MYO9A: variants seen among roughly 807,000 people sequenced by gnomAD.
MYO9A encodes myosin IXA.
In MYO9A, 103 loss-of-function variants were observed where a neutral mutation model predicts 293.3. The ratio of observed to expected loss-of-function variants is 0.35; its 90% CI spans 0.30 to 0.41. MYO9A has a LOEUF of 0.41. Among genes scored for constraint, MYO9A ranks in the 10% least tolerant of loss-of-function variants. The pLI is 1.00. For missense variants in MYO9A, 2,685 were observed against 3,033.0 expected, an observed-to-expected ratio of 0.89 and a Z score of 2.69; for synonymous variants, 1,001 against 1,035.7, an observed-to-expected ratio of 0.97 and a Z score of 0.64.
At chr15:71,926,194 T>C (rs2058309846) in intron 18 of MYO9A, among the ~76,000 whole-genome samples, 1 of 152,176 alleles carries the variant, frequency 6.6e-6, no homozygotes, top group Admixed American at 6.5e-5. Context: ...ACAAAGTTGG[T>C]GTGCTTTTCC....
In MYO9A at chr15:72,046,491, T is replaced by C. The variant is rs764758822; in HGVS notation, c.73A>G (p.Ile25Val). ...GGACAGTAGATTGTCCCTTCTGAAA[T>C]AGCCCCAGGATATATCCGTAATGTA... ...EHTLRIYPGA[I>V]SEGTIYCPIP... The change falls in exon 2 of 42, where the codon ATT becomes GTT. Residue 25 changes from isoleucine to valine, a missense_variant. Transcript: ENST00000356056. 2.7e-5 allele frequency: 44 copies of C among 1,614,018 alleles called. No individual in the cohort carries two copies. Among genetic ancestry groups the C allele is most frequent in the South Asian group, 2.5e-4 (23 of 91,076 alleles).
intron 14 of MYO9A, among the ~76,000 whole-genome samples, chr15:71,957,685 T>G (rs2059236325): frequency 6.6e-6 from 1 of 152,116 alleles, no homozygotes; most frequent in South Asian, 2.1e-4. Context: ...CATAGTCTAT[T>G]GAGTGGGATG....
intron 7 of MYO9A, among the ~76,000 whole-genome samples, 177 bp downstream of exon 7, chr15:72,010,173 G>C (rs1222003448): frequency 1.3e-5 from 2 of 152,106 alleles, no homozygotes; most frequent in Admixed American, 6.5e-5. Flanking sequence ...GCTTTCATCA[G>C]ATTCTCAAAA....
chr15:71,862,719 T>C (rs2056187012), intron 32 of MYO9A, 108 bp from the exon 33 acceptor site: 1 of 634,946 alleles, frequency 1.6e-6, no homozygotes, highest in African/African-American at 1.9e-5. Flanking sequence ...AGGCACTAAT[T>C]CCAGGGGGAC....
chr15:71,822,654 T>A lies in MYO9A; in HGVS notation c.*3926A>T, dbSNP rs2054320869. The A allele has an allele frequency of 6.6e-6, 1 of 152,162 alleles. No individual in the cohort carries two copies. The highest frequency in any genetic ancestry group is 1.5e-5 in the Non-Finnish European group (1 of 68,024). The allele number at this position is 152,162 out of a possible 1,614,324, so 9.4% of individuals were successfully genotyped here. The stretch of plus-strand genomic sequence containing the variant: ...CTTAAAATCCATTAAAATAATATAA[T>A]ACGAATCTGTAGTCCACACCTTTCC... On this transcript the variant is annotated 3_prime_UTR_variant, in exon 42 of 42. Coordinates refer to ENST00000356056, the MANE Select transcript of MYO9A (RefSeq NM_006901.4).
intron 1 of MYO9A, among the ~76,000 whole-genome samples, chr15:72,083,311 G>T (rs934056335): frequency 2.0e-5 from 3 of 152,136 alleles, no homozygotes; most frequent in African/African-American, 7.2e-5. Flanking sequence ...GTACACAGAG[G>T]TGTTCATAAC....
intron 1 of MYO9A, among the ~76,000 whole-genome samples, chr15:72,099,429 A>C (rs967032054): frequency 4.7e-4 from 68 of 145,724 alleles, no homozygotes; most frequent in African/African-American, 1.5e-3. Context: ...CCCCAAAAAA[A>C]AAAAAAAAAA....
At chr15:71,959,832 TGGA>T (rs2059284159) in intron 14 of MYO9A, 66 bp downstream of exon 14, 2 of 1,337,516 alleles carry the variant, frequency 1.5e-6, no homozygotes, top group African/African-American at 1.6e-5. Flanking sequence ...CTCCTTTTTG[TGGA>T]GAAGTAGAAA....
At chr15:72,105,149 C>T (rs560897921) in intron 1 of MYO9A, among the ~76,000 whole-genome samples, 1 of 152,296 alleles carries the variant, frequency 6.6e-6, no homozygotes, top group African/African-American at 2.4e-5. Flanking sequence ...CCTCTGAAAG[C>T]TACAAGACTC....
intron 26 of MYO9A, chr15:71,891,070 T>C (rs539671748): frequency 3.9e-5 from 6 of 152,002 alleles, no homozygotes; most frequent in African/African-American, 1.4e-4. Context: ...ACCCACCCCA[T>C]CCCCAACCCT....
chr15:72,028,787 T>C (rs2077767582), intron 3 of MYO9A, among the ~76,000 whole-genome samples: 1 of 152,168 alleles, frequency 6.6e-6, no homozygotes, highest in African/African-American at 2.4e-5. Context: ...AAGATATACA[T>C]AGTTTCTTTT....
chr15:72,067,540 C>A (rs2079058532), intron 1 of MYO9A, among the ~76,000 whole-genome samples: 1 of 152,162 alleles, frequency 6.6e-6, no homozygotes, highest in African/African-American at 2.4e-5. Flanking sequence ...CTCAGCCTCC[C>A]AAAACGCTAG....
At chr15:71,836,536 A>T (rs2054949450) in intron 39 of MYO9A, among the ~76,000 whole-genome samples, 1 of 152,068 alleles carries the variant, frequency 6.6e-6, no homozygotes, top group Non-Finnish European at 1.5e-5. Context: ...TACATGTATG[A>T]GTCCATTAAA....
intron 39 of MYO9A, among the ~76,000 whole-genome samples, chr15:71,838,447 C>T (rs2055024357): frequency 6.6e-6 from 1 of 152,088 alleles, no homozygotes; most frequent in Admixed American, 6.5e-5. Flanking sequence ...TCACAGACTA[C>T]ATGAATAATT....
rs778781580 is a variant in MYO9A, at chr15:72,046,421, G to A, written c.143C>T (p.Ser48Phe). Residue 48 changes from serine to phenylalanine, a missense_variant, in exon 2 of 42, where the codon TCT becomes TTT. Physicochemically the swap from Ser to Phe is radical, Grantham distance 155. This residue lies in a region of MYO9A where 67 missense variants were observed against 63.2 expected (regional missense o/e 1.06). Coordinates refer to ENST00000356056, the MANE Select transcript of MYO9A (RefSeq NM_006901.4). ...GTCAAGATGAAGTTTGTTTATAAGA[G>A]ACTCAATCACCTCAGCAGCTGTGGA... is the stretch of plus-strand genomic sequence containing the variant. ...KNSTAAEVIE[S>F]LINKLHLDKT... The A allele has an allele frequency of 3.7e-6, 6 of 1,614,054 alleles. No individual in the cohort carries two copies. The East Asian group carries it at 8.9e-5, about 24-fold the overall frequency.
At chr15:71,978,435 C>T (rs1048964045) in intron 11 of MYO9A, 143 bp from the exon 12 acceptor site, 2 of 677,490 alleles carry the variant, frequency 3.0e-6, no homozygotes, top group Non-Finnish European at 2.3e-6. Flanking sequence ...TGTATAATTT[C>T]AGTTGTACAA....
Position 71,880,468 on chromosome 15 carries a change from G to C in MYO9A, c.5489C>G (p.Pro1830Arg), listed in dbSNP as rs371726027. The C allele has an allele frequency of 1.5e-5, 25 of 1,614,114 alleles. No individual in the cohort carries two copies. The highest frequency in any genetic ancestry group is 2.0e-5 in the Non-Finnish European group (24 of 1,180,028). ...KEFKENKEPS[P>R]KAKRKRSVKI... ...CACACTTCGCTTGCGCTTAGCCTTT[G>C]GAGAAGGTTCTTTGTTCTCTTTGAA... is the stretch of plus-strand genomic sequence containing the variant. Residue 1830 changes from proline (P) to arginine (R), a missense_variant, in exon 29 of 42, where the codon CCA becomes CGA. By Grantham distance (103) the Pro-to-Arg change is moderately radical (BLOSUM62 -2). This residue lies in a region of MYO9A where 1,434 missense variants were observed against 1,497.7 expected (regional missense o/e 0.96). Coordinates refer to ENST00000356056, the MANE Select transcript of MYO9A (RefSeq NM_006901.4).
chr15:71,840,837 T>C (rs1282259114), intron 39 of MYO9A, among the ~76,000 whole-genome samples: 2 of 152,344 alleles, frequency 1.3e-5, no homozygotes, highest in East Asian at 3.9e-4. Context: ...TTCACCACGT[T>C]AGCCAGGATG....
intron 33 of MYO9A, among the ~76,000 whole-genome samples, chr15:71,861,317 A>G (rs1001980244): frequency 2.0e-5 from 3 of 151,658 alleles, no homozygotes; most frequent in African/African-American, 7.3e-5. Flanking sequence ...AAAGCTTCAC[A>G]GAACTAATAA....
Sources: allele counts gnomAD v4.1 joint callset (sites outside exome capture counted in the v4.1 genomes callset), GRCh38; gene constraint gnomAD v4.1.1; regional missense constraint gnomAD v4.1.1; transcripts MANE v1.5; gene names NCBI Gene and HGNC (gene_info 2026-07-23, HGNC 2026-07-21).